WDR70: variants seen among roughly 807,000 people sequenced by gnomAD.
WDR70 encodes WD repeat domain 70, also known as WD repeat-containing protein 70.
A neutral mutation model predicts 88.6 loss-of-function variants in WDR70; 53 were observed. The observed-to-expected ratio is 0.60, with a 90% CI of 0.48 to 0.75. WDR70 has a LOEUF of 0.75. WDR70 is among the 30% of genes least tolerant of loss of function. The pLI, the probability that WDR70 is intolerant of heterozygous loss-of-function variation, is 0.00. For missense variants in WDR70, 610 were observed against 823.2 expected (o/e 0.74, Z 3.17); for synonymous variants, 280 against 270.0 (o/e 1.04, Z -0.36).
At chr5:37,382,524 G>A (rs1342490280) in intron 3 of WDR70, among the ~76,000 whole-genome samples, 7 of 151,710 alleles carry the variant, frequency 4.6e-5, no homozygotes, top group Non-Finnish European at 1.0e-4. Context: ...CAATTTTCCT[G>A]CCTCAGCCCC....
chr5:37,681,947 A>G (rs1470684693), intron 10 of WDR70, among the ~76,000 whole-genome samples: 1 of 152,166 alleles, frequency 6.6e-6, no homozygotes. Context: ...GCCTCATACA[A>G]TGAGTTAAGG....
chr5:37,461,210 A>G (rs1581302356), intron 7 of WDR70, among the ~76,000 whole-genome samples: 1 of 152,082 alleles, frequency 6.6e-6, no homozygotes, highest in South Asian at 2.1e-4. Context: ...TCAAATATTT[A>G]TCTGGTCCTT....
At chr5:37,708,009 T>C (rs1747408466) in intron 13 of WDR70, among the ~76,000 whole-genome samples, 1 of 116,584 alleles carries the variant, frequency 8.6e-6, no homozygotes, top group Non-Finnish European at 1.7e-5. Context: ...TTGAAAATCT[T>C]AATATTAACA....
intron 5 of WDR70, among the ~76,000 whole-genome samples, chr5:37,409,505 CTT>C (rs70978811): frequency 1.7e-4 from 23 of 138,030 alleles, no homozygotes; most frequent in Admixed American, 2.9e-4. Context: ...ACTGGCCTTA[CTT>C]TTTTTTTTTT....
intron 4 of WDR70, among the ~76,000 whole-genome samples, chr5:37,393,315 C>G (rs12659660): frequency 0.66 from 100,753 of 152,130 alleles, 38,634 homozygotes; most frequent in East Asian, 0.88. Flanking sequence ...GCTGGGATTA[C>G]AGGTGTGAGT....
chr5:37,445,068 C>G (rs1222485089), intron 7 of WDR70, among the ~76,000 whole-genome samples: 1 of 152,074 alleles, frequency 6.6e-6, no homozygotes, highest in Non-Finnish European at 1.5e-5. Flanking sequence ...TTTGGGGACT[C>G]CTGACTTAAC....
chr5:37,591,129 T>C (rs769315191), intron 9 of WDR70, among the ~76,000 whole-genome samples: 6 of 152,064 alleles, frequency 3.9e-5, no homozygotes, highest in Non-Finnish European at 7.4e-5. Flanking sequence ...GCTCAGGAGT[T>C]TGAGATCAGC....
chr5:37,397,327 G>T (rs1472727640), intron 5 of WDR70, among the ~76,000 whole-genome samples: 1 of 152,100 alleles, frequency 6.6e-6, no homozygotes, highest in Non-Finnish European at 1.5e-5. Flanking sequence ...TATGCGGCTG[G>T]GTGTGGTGGC....
chr5:37,743,189 C>A (rs897329270), intron 17 of WDR70, among the ~76,000 whole-genome samples: 5 of 152,220 alleles, frequency 3.3e-5, no homozygotes, highest in Non-Finnish European at 2.9e-5. Context: ...CACTTGAGAG[C>A]CACACGGGGA....
chr5:37,532,044 T>C (rs1327485063), intron 9 of WDR70, among the ~76,000 whole-genome samples: 1 of 152,232 alleles, frequency 6.6e-6, no homozygotes, highest in East Asian at 1.9e-4. Context: ...TACAAAATTC[T>C]TAGCTGAAAA....
At chr5:37,554,666 A>ACC (rs1742245022) in intron 9 of WDR70, among the ~76,000 whole-genome samples, 1 of 126,348 alleles carries the variant, frequency 7.9e-6, no homozygotes, top group African/African-American at 3.2e-5. Flanking sequence ...TCACACACGC[A>ACC]TGCACCTGCA....
chr5:37,493,564 A>C (rs910864820), intron 8 of WDR70, among the ~76,000 whole-genome samples: 40 of 152,204 alleles, frequency 2.6e-4, no homozygotes, highest in African/African-American at 9.4e-4. Context: ...GTACAGTTCT[A>C]CTAACATCCT....
intron 13 of WDR70, among the ~76,000 whole-genome samples, chr5:37,708,640 A>G (rs1214926428): frequency 6.6e-6 from 1 of 152,192 alleles, no homozygotes. Context: ...ATGAAATAAT[A>G]GACCCTTTAT....
At chr5:37,730,484 A>C (rs1335023827) in intron 17 of WDR70, among the ~76,000 whole-genome samples, 1 of 151,834 alleles carries the variant, frequency 6.6e-6, no homozygotes, top group Non-Finnish European at 1.5e-5. Flanking sequence ...TTCACATAGA[A>C]CTCTGCCCTA....
At chr5:37,738,231 A>G (rs899669713) in intron 17 of WDR70, among the ~76,000 whole-genome samples, 6 of 152,190 alleles carry the variant, frequency 3.9e-5, no homozygotes, top group African/African-American at 1.4e-4. Context: ...AGTCATGGCT[A>G]TAATTGACTT....
chr5:37,716,980 G>T (rs1039719137), intron 13 of WDR70, among the ~76,000 whole-genome samples: 2 of 151,950 alleles, frequency 1.3e-5, no homozygotes, highest in Non-Finnish European at 2.9e-5. Context: ...CTGCAGAGAA[G>T]AAAAAAATCT....
intron 9 of WDR70, among the ~76,000 whole-genome samples, chr5:37,517,724 G>A (rs1440160447): frequency 2.1e-5 from 2 of 93,436 alleles, no homozygotes; most frequent in Admixed American, 1.2e-4. Flanking sequence ...TATTTATGGG[G>A]TATGTGAGAT....
At chr5:37,476,615 A>G (rs1739494366) in intron 7 of WDR70, among the ~76,000 whole-genome samples, 1 of 151,798 alleles carries the variant, frequency 6.6e-6, no homozygotes, top group Non-Finnish European at 1.5e-5. Context: ...CAGTGGAGCA[A>G]TCTTGACTCA....
At chr5:37,516,745 G>A (rs1377065108) in intron 9 of WDR70, among the ~76,000 whole-genome samples, 155 bp downstream of exon 9, 1 of 145,732 alleles carries the variant, frequency 6.9e-6, no homozygotes, top group African/African-American at 2.6e-5. Context: ...TTTTTAAGGG[G>A]GAGTCTTGCT....
Sources: gnomAD v4.1 joint callset for allele counts (sites outside exome capture counted in the v4.1 genomes callset) on GRCh38, gnomAD v4.1.1 for gene constraint, MANE v1.5 for transcripts, NCBI Gene and HGNC (gene_info 2026-07-23, HGNC 2026-07-21) for gene names.